Variants in EPHA6 observed in about 807,000 individuals in gnomAD.
The protein encoded by EPHA6 is EPH receptor A6.
Under a neutral mutation model 112.0 loss-of-function variants are expected in EPHA6, and 50 were observed. That is an observed-to-expected ratio of 0.45 (90% confidence interval 0.36 to 0.56). EPHA6 has a LOEUF of 0.56. Ranked by LOEUF, EPHA6 falls within the 20% of genes least tolerant of loss-of-function variation. The pLI, the probability that EPHA6 is intolerant of heterozygous loss-of-function variation, is 0.00. For missense variants in EPHA6, 1,280 were observed against 1,417.4 expected (o/e 0.90, Z 1.56); for synonymous variants, 529 against 490.7 (o/e 1.08, Z -1.03).
At chr3:96,876,961 A>G (rs916954014) in intron 2 of EPHA6, among the ~76,000 whole-genome samples, 11 of 152,176 alleles carry the variant, frequency 7.2e-5, no homozygotes, top group Admixed American at 5.9e-4. Flanking sequence ...TCTATCTTTT[A>G]CCAGATTGTA....
At chr3:97,602,908 C>G (rs929721873) in intron 12 of EPHA6, among the ~76,000 whole-genome samples, 10 of 151,016 alleles carry the variant, frequency 6.6e-5, no homozygotes, top group African/African-American at 4.8e-5. Context: ...TATGAAAATT[C>G]CTTGCTGTGT....
chr3:97,580,128 A>G (rs1252386641), intron 11 of EPHA6, among the ~76,000 whole-genome samples: 1 of 152,224 alleles, frequency 6.6e-6, no homozygotes, highest in East Asian at 1.9e-4. Flanking sequence ...AATTTGTTAA[A>G]TAATACTTTG....
At chr3:97,297,191 C>A (rs1268985378) in intron 5 of EPHA6, among the ~76,000 whole-genome samples, 1 of 152,144 alleles carries the variant, frequency 6.6e-6, no homozygotes, top group African/African-American at 2.4e-5. Context: ...CTCACCATTT[C>A]ACACACCGGG....
At chr3:96,925,571 A>AT (rs916422207) in intron 2 of EPHA6, among the ~76,000 whole-genome samples, 30 of 131,104 alleles carry the variant, frequency 2.3e-4, no homozygotes, top group African/African-American at 4.9e-4. Flanking sequence ...CAATTTTATC[A>AT]TTTTTTTTCA....
At chr3:97,651,710 CAGACTAT>C (rs1050464976) in intron 14 of EPHA6, among the ~76,000 whole-genome samples, 1 of 151,978 alleles carries the variant, frequency 6.6e-6, no homozygotes, top group Non-Finnish European at 1.5e-5. Context: ...AGAACAAACC[CAGACTAT>C]ATTGATTTAC....
In EPHA6 at chr3:97,009,624, G is replaced by A. The variant is rs186039106; in HGVS notation, c.1114+21631G>A. On this transcript the variant is annotated intron_variant, in intron 3 of 17. Coordinates refer to ENST00000389672, the MANE Select transcript of EPHA6 (RefSeq NM_001080448.3). ...ACAGCAGGCAGCTGCGCTGGTGCTGGTTGCCCCTCCCCCAAGGAGTTTCGT... is the reference window on the plus strand; with the variant it reads ...ACAGCAGGCAGCTGCGCTGGTGCTGATTGCCCCTCCCCCAAGGAGTTTCGT... Among the ~76,000 whole-genome samples, 850 of 152,366 alleles carry A rather than the reference G, an allele frequency of 5.6e-3. 7 individuals carry two copies. The highest frequency in any genetic ancestry group is 0.02 in the African/African-American group (828 of 41,586).
intron 11 of EPHA6, among the ~76,000 whole-genome samples, chr3:97,542,627 G>A (rs2092878253): frequency 2.6e-5 from 4 of 152,116 alleles, no homozygotes. Flanking sequence ...GGATTCGTGG[G>A]TCAAATGGTA....
At chr3:97,646,113 A>G in intron 14 of EPHA6, 1 of 1,523,992 alleles carries the variant, frequency 6.6e-7, no homozygotes, top group Non-Finnish European at 8.7e-7. Context: ...GACTTTGCCA[A>G]TTCAGAGACC....
At chr3:97,152,143 G>A (rs2077173879) in intron 3 of EPHA6, among the ~76,000 whole-genome samples, 1 of 151,842 alleles carries the variant, frequency 6.6e-6, no homozygotes, top group African/African-American at 2.4e-5. Flanking sequence ...CCAAAAATCA[G>A]GCTTTAGTTG....
At chr3:96,977,262 CACAT>C (rs58248681) in intron 2 of EPHA6, among the ~76,000 whole-genome samples, 3,547 of 152,082 alleles carry the variant, frequency 0.023, 143 homozygotes, top group African/African-American at 0.081. Flanking sequence ...AAACAACTGA[CACAT>C]AGAAAGACAA....
At chr3:96,895,513 A>G (rs981221331) in intron 2 of EPHA6, among the ~76,000 whole-genome samples, 3 of 152,196 alleles carry the variant, frequency 2.0e-5, no homozygotes, top group African/African-American at 7.2e-5. Context: ...TATAAAGTCT[A>G]TAGTACCTTA....
chr3:97,590,829 A>G (rs2093536725), intron 11 of EPHA6, among the ~76,000 whole-genome samples: 1 of 152,184 alleles, frequency 6.6e-6, no homozygotes, highest in African/African-American at 2.4e-5. Context: ...ATATATGATC[A>G]CCCCACTTGG....
At chr3:97,391,096 G>A (rs1013606056) in intron 5 of EPHA6, among the ~76,000 whole-genome samples, 1 of 151,310 alleles carries the variant, frequency 6.6e-6, no homozygotes, top group East Asian at 1.9e-4. Flanking sequence ...TTATTTTCTG[G>A]CATTACTATT....
chr3:97,635,268 A>G (rs1341789054), intron 13 of EPHA6, among the ~76,000 whole-genome samples: 1 of 152,122 alleles, frequency 6.6e-6, no homozygotes, highest in African/African-American at 2.4e-5. Flanking sequence ...CTTATTTTTA[A>G]AATGATACCA....
chr3:96,948,039 A>G (rs897396342), intron 2 of EPHA6, among the ~76,000 whole-genome samples: 1 of 152,200 alleles, frequency 6.6e-6, no homozygotes, highest in Admixed American at 6.5e-5. Context: ...TTAGTACTGA[A>G]TAATATTCTG....
intron 10 of EPHA6, among the ~76,000 whole-genome samples, chr3:97,497,725 G>T (rs1448819130): frequency 1.3e-5 from 2 of 152,036 alleles, no homozygotes; most frequent in African/African-American, 2.4e-5. Context: ...GGGTTGAGGA[G>T]AAGGGAGCAG....
intron 7 of EPHA6, among the ~76,000 whole-genome samples, chr3:97,454,687 AT>A: frequency 6.6e-6 from 1 of 151,844 alleles, no homozygotes; most frequent in Non-Finnish European, 1.5e-5. Flanking sequence ...TTGTTAACAC[AT>A]TTTCTTCCCT....
At chr3:97,127,268 G>GCT (rs2048208556) in intron 3 of EPHA6, among the ~76,000 whole-genome samples, 1 of 152,136 alleles carries the variant, frequency 6.6e-6, no homozygotes, top group Non-Finnish European at 1.5e-5. Flanking sequence ...GACCTGCTTT[G>GCT]CTCTGTATTT....
At chr3:96,880,720 A>T (rs1468851728) in intron 2 of EPHA6, among the ~76,000 whole-genome samples, 1 of 151,764 alleles carries the variant, frequency 6.6e-6, no homozygotes, top group Non-Finnish European at 1.5e-5. Context: ...GGCAAACACT[A>T]ATCTGTTTTT....
Sources: allele counts gnomAD v4.1 joint callset (sites outside exome capture counted in the v4.1 genomes callset), GRCh38; gene constraint gnomAD v4.1.1; transcripts MANE v1.5; gene names NCBI Gene and HGNC (gene_info 2026-07-23, HGNC 2026-07-21).